Variants in ATAD5 observed in about 807,000 individuals in gnomAD.
ATAD5 encodes the protein ATPase family AAA domain containing 5.
ATAD5 carries 58 observed loss-of-function variants against 176.9 expected under a neutral mutation model. The ratio of observed to expected loss-of-function variants is 0.33; its 90% CI spans 0.27 to 0.41. The LOEUF is 0.41. Ranked by LOEUF, ATAD5 falls within the 10% of genes least tolerant of loss-of-function variation. ATAD5 has a pLI of 1.00. For synonymous variants in ATAD5, 640 were observed against 712.6 expected (o/e 0.90, Z 1.62); for missense variants, 1,789 against 2,094.1 (o/e 0.85, Z 2.84).
chr17:30,887,426 C>A (rs746816283), intron 19 of ATAD5, 54 bp downstream of exon 19: 43 of 1,475,856 alleles, frequency 2.9e-5, no homozygotes, highest in Non-Finnish European at 4.0e-5. Flanking sequence ...ATTTAAAAAT[C>A]TGTGCTATGG....
At chr17:30,850,844 TATATATATATATATATATA>T (rs1906860594) in intron 6 of ATAD5, among the ~76,000 whole-genome samples, 1 of 22,862 alleles carries the variant, frequency 4.4e-5, no homozygotes, top group Non-Finnish European at 9.5e-5. Flanking sequence ...TATATATATA[TATATATATATATATATATA>T]TATATATTTT....
chr17:30,863,387 G>A (rs1426371495), intron 10 of ATAD5, among the ~76,000 whole-genome samples: 1 of 142,564 alleles, frequency 7.0e-6, no homozygotes, highest in Non-Finnish European at 1.5e-5. Flanking sequence ...TTTTTTTTGA[G>A]ACAGAGTCTC....
At position 30,858,287 on chromosome 17, in the gene ATAD5, C is replaced by T. The variant is rs757362942; in HGVS notation, c.2920C>T (p.His974Tyr). Residue 974 changes from histidine (H) to tyrosine (Y), a missense_variant, in exon 9 of 23, where the codon CAC becomes TAC. This residue lies in a region of ATAD5 where 487 missense variants were observed against 573.6 expected (regional missense o/e 0.85). Transcript: ENST00000321990. Reference protein sequence around the residue: ...FPLLLKKQIEHQVLSSECHSK... With the variant: ...FPLLLKKQIEYQVLSSECHSK... ...CTTACTCCTAAAAAAACAAATTGAGCACCAAGTACTTTCTTCCGAGTGTCA... is the reference window on the plus strand; with the variant it reads ...CTTACTCCTAAAAAAACAAATTGAGTACCAAGTACTTTCTTCCGAGTGTCA... The T allele has an allele frequency of 1.3e-6, 2 of 1,573,206 alleles. No homozygotes were observed. The highest frequency in any genetic ancestry group is 1.2e-5 in the South Asian group (1 of 82,626).
At chr17:30,891,219 T>C (rs1015994655) in intron 19 of ATAD5, among the ~76,000 whole-genome samples, 5 of 152,176 alleles carry the variant, frequency 3.3e-5, no homozygotes, top group Admixed American at 3.3e-4. Flanking sequence ...ATGAATAGTA[T>C]ATGATGGTTT....
intron 6 of ATAD5, among the ~76,000 whole-genome samples, chr17:30,851,212 C>G: frequency 6.7e-6 from 1 of 148,200 alleles, no homozygotes; most frequent in South Asian, 2.2e-4. Context: ...TTTAAAAATT[C>G]TGAGCTGGGT....
chr17:30,852,262 CA>C lies in ATAD5; in HGVS notation c.2451-2880del, dbSNP rs557973418. On this transcript the variant is annotated intron_variant, in intron 6 of 22. Transcript: ENST00000321990. ...TTTAATTTGGCCAGTGTGAGCTCTT[CA>C]GCTTGGTTTCTATGTCCCTTTGACA... 1.4e-4 allele frequency among the ~76,000 whole-genome samples: 21 copies of C among 152,212 alleles called. 1 individual carries two copies. The South Asian group carries it at 4.1e-3, about 30-fold the overall frequency.
At chr17:30,854,441 G>C (rs1002702836) in intron 6 of ATAD5, among the ~76,000 whole-genome samples, 10 of 134,156 alleles carry the variant, frequency 7.5e-5, no homozygotes, top group African/African-American at 2.8e-4. Context: ...GCATGATCTC[G>C]GCTCCCTGTA....
chr17:30,835,913 G>A lies in ATAD5; in HGVS notation c.1832G>A (p.Gly611Asp). The A allele has an allele frequency of 6.2e-7, 1 of 1,614,122 alleles. No homozygotes were observed. Among genetic ancestry groups the A allele is most frequent in the Admixed American group, 1.7e-5 (1 of 60,016 alleles). The change falls in exon 2 of 23, where the codon GGT becomes GAT. Residue 611 changes from glycine to aspartate, a missense_variant. Physicochemically the swap from Gly to Asp is moderately conservative, Grantham distance 94 (BLOSUM62 -1). This residue lies in a region of ATAD5 where 696 missense variants were observed against 712.5 expected (regional missense o/e 0.98). Transcript: ENST00000321990. ...ACACCTACTACAGAAACCATTAGAG[G>A]TATTGATTCTGACGATGTACAAGAT... ...SSTPTTETIR[G>D]IDSDDVQDNS... is the part of the protein sequence containing the mutation.
intron 3 of ATAD5, 46 bp downstream of exon 3, chr17:30,837,360 T>A: frequency 1.5e-6 from 2 of 1,304,580 alleles, no homozygotes; most frequent in Non-Finnish European, 2.1e-6. Flanking sequence ...TCTGTTTCCT[T>A]AAAAAACAAA....
chr17:30,841,575 A>T (rs1447005624), intron 4 of ATAD5, among the ~76,000 whole-genome samples: 1 of 152,144 alleles, frequency 6.6e-6, no homozygotes, highest in African/African-American at 2.4e-5. Flanking sequence ...CCATTACCGT[A>T]GTCAATTTTG....
chr17:30,894,768 T>C, intron 22 of ATAD5, 46 bp downstream of exon 22: 1 of 1,560,456 alleles, frequency 6.4e-7, no homozygotes, highest in Non-Finnish European at 8.7e-7. Context: ...TTTTTCAAGA[T>C]TAATACATAT....
In ATAD5 at chr17:30,857,052, T is replaced by C; in HGVS notation, c.2733T>C (p.Ile911=). The change falls in exon 8 of 23, where the codon ATT becomes ATC. Residue 911 remains isoleucine (I), a synonymous_variant. Transcript: ENST00000321990. ...TAATAGATCTCTCAAAATGTGGTAT[T>C]GCTCTTGGTGAATTTTCAACATTGA... ...TKVIDLSKCG[I]ALGEFSTLNS... is the part of the protein sequence containing the mutation. 6.2e-7 allele frequency: 1 copy of C among 1,611,714 alleles called. No homozygotes were observed.
intron 19 of ATAD5, 57 bp from the exon 20 acceptor site, chr17:30,892,550 G>A: frequency 8.0e-7 from 1 of 1,249,720 alleles, no homozygotes; most frequent in Non-Finnish European, 1.1e-6. Flanking sequence ...TTAAATAATT[G>A]TTTGATACAA....
intron 6 of ATAD5, among the ~76,000 whole-genome samples, chr17:30,845,251 C>T (rs1382797420): frequency 2.6e-5 from 4 of 152,180 alleles, no homozygotes; most frequent in Non-Finnish European, 4.4e-5. Flanking sequence ...AGACAGGACA[C>T]ATTCCCTGTC....
chr17:30,868,508 AAT>A, intron 12 of ATAD5, 96 bp downstream of exon 12: 1 of 731,380 alleles, frequency 1.4e-6, no homozygotes, highest in Non-Finnish European at 1.8e-6. Context: ...TTTTTTTTTT[AAT>A]TTTTTTTTTT....
chr17:30,886,033 C>G (rs898330611), intron 18 of ATAD5, among the ~76,000 whole-genome samples: 4 of 152,054 alleles, frequency 2.6e-5, no homozygotes, highest in Non-Finnish European at 5.9e-5. Flanking sequence ...GTGAATTATA[C>G]TGACTGATTT....
chr17:30,858,642 CCCCAAAATGCTGGGATTACAGG>C (rs1214516557), intron 9 of ATAD5, among the ~76,000 whole-genome samples: 1 of 151,990 alleles, frequency 6.6e-6, no homozygotes, highest in Non-Finnish European at 1.5e-5. Flanking sequence ...TACCTCAGCC[CCCCAAAATGCTGGGATTACAGG>C]CATGAGCCAC....
chr17:30,889,224 ACT>A (rs1390390679), intron 19 of ATAD5, among the ~76,000 whole-genome samples: 1 of 139,080 alleles, frequency 7.2e-6, no homozygotes, highest in African/African-American at 2.7e-5. Flanking sequence ...GAGTATAGTG[ACT>A]CTTCATGGGC....
chr17:30,855,152 A>G lies in ATAD5; in HGVS notation c.2460A>G (p.Thr820=). The change falls in exon 7 of 23, where the codon ACA becomes ACG. Residue 820 remains threonine, a synonymous_variant. Coordinates refer to ENST00000321990, the MANE Select transcript of ATAD5 (RefSeq NM_024857.5). ...VPSFDESSQD[T]SEKSQDCDVQ... Reference sequence around the variant, plus strand: ...ATCATTTTCTTAAAAGTCAAGATACATCTGAAAAATCTCAGGATTGTGATG... The same window carrying G: ...ATCATTTTCTTAAAAGTCAAGATACGTCTGAAAAATCTCAGGATTGTGATG... The G allele has an allele frequency of 1.2e-6, 2 of 1,602,874 alleles. No individual in the cohort carries two copies. The highest frequency in any genetic ancestry group is 1.7e-6 in the Non-Finnish European group (2 of 1,175,916).
Sources: gnomAD v4.1 joint callset for allele counts (sites outside exome capture counted in the v4.1 genomes callset) on GRCh38, gnomAD v4.1.1 for gene constraint, gnomAD v4.1.1 regional missense constraint, MANE v1.5 for transcripts, NCBI Gene and HGNC (gene_info 2026-07-23, HGNC 2026-07-21) for gene names.